USP7: variants seen among roughly 807,000 people sequenced by gnomAD.
USP7 encodes the protein ubiquitin C-terminal hydrolase 7.
A neutral mutation model predicts 162.9 loss-of-function variants in USP7; 9 were observed. That is an observed-to-expected ratio of 0.06 (90% CI 0.03 to 0.10). The LOEUF (loss-of-function observed/expected upper bound fraction) is 0.10. Among genes scored for constraint, USP7 ranks in the 10% least tolerant of loss-of-function variants. The pLI is 1.00. For synonymous variants in USP7, 562 were observed against 475.9 expected (o/e 1.18, Z -2.35); for missense variants, 715 against 1,373.7 (o/e 0.52, Z 7.58).
At chr16:8,958,057 A>G (rs1456017991) in intron 1 of USP7, among the ~76,000 whole-genome samples, 1 of 152,138 alleles carries the variant, frequency 6.6e-6, no homozygotes, top group Admixed American at 6.6e-5. Flanking sequence ...GAGTACACTG[A>G]AAAAAGTGTT....
At chr16:8,934,908 A>C (rs965996501) in intron 1 of USP7, among the ~76,000 whole-genome samples, 4 of 152,266 alleles carry the variant, frequency 2.6e-5, no homozygotes, top group Admixed American at 2.0e-4. Context: ...TAAATGAGTT[A>C]GTTCCGCAAG....
chr16:8,901,862 G>C, intron 18 of USP7: 1 of 571,956 alleles, frequency 1.7e-6, no homozygotes, highest in Non-Finnish European at 3.1e-6. Context: ...AGACAGAACA[G>C]GACGGCCCCA....
intron 10 of USP7, among the ~76,000 whole-genome samples, 197 bp downstream of exon 10, chr16:8,915,057 G>A (rs1430851247): frequency 1.3e-5 from 2 of 152,210 alleles, no homozygotes; most frequent in Admixed American, 6.5e-5. Context: ...TGGCTGGGAA[G>A]GGCTGTGGGA....
intron 1 of USP7, among the ~76,000 whole-genome samples, chr16:8,935,063 G>C (rs771857838): frequency 6.6e-6 from 1 of 152,192 alleles, no homozygotes; most frequent in African/African-American, 2.4e-5. Flanking sequence ...TATTGTTCAA[G>C]ACAGATGTAC....
Position 8,902,366 on chromosome 16 carries a change from A to G in USP7, c.1941+15T>C. On this transcript the variant is annotated intron_variant, in intron 17 of 30. Coordinates refer to ENST00000344836, the MANE Select transcript of USP7 (RefSeq NM_003470.3). ...TGCACGGTTCCAAACCAGATACGCTATTAACAATATTTACTGTTTTATTGC... is the reference window on the plus strand; with the variant it reads ...TGCACGGTTCCAAACCAGATACGCTGTTAACAATATTTACTGTTTTATTGC... The G allele has an allele frequency of 6.2e-7, 1 of 1,612,846 alleles. No individual in the cohort carries two copies. The highest frequency in any genetic ancestry group is 1.7e-4 in the Middle Eastern group (1 of 6,060).
chr16:8,945,073 G>A (rs867696833), intron 1 of USP7, among the ~76,000 whole-genome samples: 3 of 152,226 alleles, frequency 2.0e-5, no homozygotes, highest in African/African-American at 7.2e-5. Context: ...CCAAGATGAT[G>A]AAACCCCATC....
At chr16:8,931,478 T>C (rs1447528043) in intron 1 of USP7, among the ~76,000 whole-genome samples, 2 of 152,186 alleles carry the variant, frequency 1.3e-5, no homozygotes, top group African/African-American at 4.8e-5. Context: ...CATGCCAGTG[T>C]CTTAAAACAT....
intron 20 of USP7, 59 bp downstream of exon 20, chr16:8,900,931 C>G (rs1483491531): frequency 1.6e-5 from 25 of 1,568,806 alleles, no homozygotes; most frequent in Middle Eastern, 2.2e-4. Context: ...AAAGAACAAA[C>G]AAAACCCTCC....
chr16:8,945,571 CACTG>C (rs776311843), intron 1 of USP7, among the ~76,000 whole-genome samples: 12 of 152,234 alleles, frequency 7.9e-5, no homozygotes, highest in Admixed American at 3.3e-4. Context: ...AGAGGAAAAT[CACTG>C]AGACTGGGGA....
intron 1 of USP7, among the ~76,000 whole-genome samples, chr16:8,944,913 G>T (rs1899209930): frequency 1.3e-5 from 2 of 152,086 alleles, no homozygotes; most frequent in South Asian, 4.1e-4. Context: ...TTCGAGATCA[G>T]CCTGGCCAAT....
intron 1 of USP7, chr16:8,962,948 G>A: frequency 4.9e-6 from 1 of 205,814 alleles, no homozygotes; most frequent in South Asian, 1.9e-4. Flanking sequence ...TTACAACTCA[G>A]GGCGCTTTGT....
chr16:8,941,703 C>T lies in USP7; in HGVS notation c.80-11306G>A, dbSNP rs185249950. On this transcript the variant is annotated intron_variant, in intron 1 of 30. Coordinates refer to ENST00000344836, the MANE Select transcript of USP7 (RefSeq NM_003470.3). ...GTTGGTGTGGTGAGGAGTGAGGGGA[C>T]GGGCAGAGCCAGGATCAGCTGTGTT... Among the ~76,000 whole-genome samples the T allele has an allele frequency of 2.8e-4, 42 of 152,244 alleles. No individual in the cohort carries two copies. The South Asian group carries it at 3.1e-3, about 11-fold the overall frequency.
In USP7 at chr16:8,919,112, G is replaced by A. The variant is rs367558286; in HGVS notation, c.639C>T (p.Tyr213=). ...VAWDSKKHTG[Y]VGLKNQGATC... ...TCGCTCCCTGATTCTTTAAGCCGAC[G>A]TAGCCTGTGTGCTTCTTTGAATCCC... The change falls in exon 6 of 31, where the codon TAC becomes TAT. Residue 213 remains tyrosine, a synonymous_variant. Transcript: ENST00000344836. The A allele has an allele frequency of 3.2e-5, 51 of 1,613,976 alleles. No homozygotes were observed. In the African/African-American group the frequency reaches 4.3e-4, roughly 14 times the overall value.
intron 1 of USP7, among the ~76,000 whole-genome samples, chr16:8,939,671 T>C (rs892725464): frequency 3.3e-5 from 5 of 152,264 alleles, no homozygotes; most frequent in African/African-American, 1.2e-4. Context: ...CTCAATGTAA[T>C]GTTCATATGT....
intron 1 of USP7, among the ~76,000 whole-genome samples, chr16:8,954,324 G>C (rs572647587): frequency 1.3e-5 from 2 of 152,316 alleles, no homozygotes; most frequent in South Asian, 2.1e-4. Flanking sequence ...TTGAGCCTTA[G>C]ATACCTTTTT....
chr16:8,946,408 G>A (rs867637329), intron 1 of USP7, among the ~76,000 whole-genome samples: 2 of 152,174 alleles, frequency 1.3e-5, no homozygotes, highest in Non-Finnish European at 2.9e-5. Context: ...TGGTGAAACC[G>A]CATCTCTAAA....
chr16:8,949,059 G>C (rs1370883080), intron 1 of USP7, among the ~76,000 whole-genome samples: 1 of 152,192 alleles, frequency 6.6e-6, no homozygotes, highest in Non-Finnish European at 1.5e-5. Context: ...ATTTCCTTTT[G>C]TGGTGATGAA....
At chr16:8,955,704 C>A (rs372059690) in intron 1 of USP7, among the ~76,000 whole-genome samples, 74 of 100,998 alleles carry the variant, frequency 7.3e-4, no homozygotes, top group East Asian at 2.2e-3. Context: ...GATTCCATCT[C>A]AAAAAAAAAA....
intron 1 of USP7, among the ~76,000 whole-genome samples, chr16:8,961,344 T>G (rs1899999685): frequency 6.6e-6 from 1 of 151,778 alleles, no homozygotes; most frequent in South Asian, 2.1e-4. Flanking sequence ...AATACAAAAG[T>G]AGCCAGGCGT....
Sources: gnomAD v4.1 joint callset for allele counts (sites outside exome capture counted in the v4.1 genomes callset) on GRCh38, gnomAD v4.1.1 for gene constraint, MANE v1.5 for transcripts, NCBI Gene and HGNC (gene_info 2026-07-23, HGNC 2026-07-21) for gene names.